Variants in SLC41A1 observed in about 807,000 individuals in gnomAD.
SLC41A1 encodes the protein solute carrier family 41 member 1.
SLC41A1 carries 20 observed loss-of-function variants against 47.3 expected under a neutral mutation model. The ratio of observed to expected loss-of-function variants is 0.42; its 90% CI spans 0.30 to 0.61. The LOEUF is 0.61. Ranked by LOEUF, SLC41A1 falls within the 20% of genes least tolerant of loss-of-function variation. SLC41A1 has a pLI of 0.17. For missense variants in SLC41A1, 504 were observed against 674.1 expected (o/e 0.75, Z 2.79); for synonymous variants, 282 against 272.7 (o/e 1.03, Z -0.34).
At chr1:205,802,449 G>A (rs1462068893) in intron 2 of SLC41A1, among the ~76,000 whole-genome samples, 1 of 152,198 alleles carries the variant, frequency 6.6e-6, no homozygotes, top group Non-Finnish European at 1.5e-5. Context: ...GAGCGCAGCG[G>A]CTCACACCTA....
At chr1:205,799,917 C>G in intron 3 of SLC41A1, 87 bp from the exon 4 acceptor site, 6 of 1,153,508 alleles carry the variant, frequency 5.2e-6, no homozygotes, top group Non-Finnish European at 7.8e-6. Flanking sequence ...GATCATGAGG[C>G]AGTACATGTG....
intron 10 of SLC41A1, among the ~76,000 whole-genome samples, chr1:205,792,175 G>A (rs1048855537): frequency 6.6e-6 from 1 of 152,148 alleles, no homozygotes; most frequent in Non-Finnish European, 1.5e-5. Flanking sequence ...GTCTTCTCTC[G>A]GCAGAGTGGT....
intron 7 of SLC41A1, 27 bp from the exon 8 acceptor site, chr1:205,797,030 G>T (rs773491572): frequency 4.0e-6 from 6 of 1,500,512 alleles, no homozygotes; most frequent in Admixed American, 4.1e-5. Flanking sequence ...ACAAAATGAC[G>T]CAAAGACCAC....
At position 205,813,123 on chromosome 1, in the gene SLC41A1, C is replaced by A. The variant is rs927453437; in HGVS notation, c.-962G>T. 4 of 985,472 alleles carry A rather than the reference C, an allele frequency of 4.1e-6. No homozygotes were observed. Among genetic ancestry groups the A allele is most frequent in the Middle Eastern group, 5.2e-4 (1 of 1,936 alleles). 61.0% of individuals were successfully genotyped at this position (985,472 alleles called of 1,614,324 possible). On this transcript the variant is annotated 5_prime_UTR_variant, in exon 1 of 11. Coordinates refer to ENST00000367137, the MANE Select transcript of SLC41A1 (RefSeq NM_173854.6). ...GGGACCGGGGAGCCGAGCTCACGCGCCCCCAATCGCTTCTTGCCCGCGGAC... is the reference window on the plus strand; with the variant it reads ...GGGACCGGGGAGCCGAGCTCACGCGACCCCAATCGCTTCTTGCCCGCGGAC...
At chr1:205,812,736 G>A in intron 1 of SLC41A1, 72 bp downstream of exon 1, 1 of 986,218 alleles carries the variant, frequency 1.0e-6, no homozygotes, top group African/African-American at 1.7e-5. Context: ...CTCAGATTCA[G>A]CAAATGCGCT....
In SLC41A1 at chr1:205,791,468, G is replaced by A. The variant is rs1655625128; in HGVS notation, c.*65C>T. On this transcript the variant is annotated 3_prime_UTR_variant, in exon 11 of 11. Transcript: ENST00000367137. The surrounding 1 kb of genome is among the most constrained non-coding windows in gnomAD (Gnocchi z 4.0). ...GGGAGTGTGGGGTGGAGGAGGGACA[G>A]GGGAACAAAAGAAAAATTTCAAATA... 6.3e-7 allele frequency: 1 copy of A among 1,596,384 alleles called. No individual in the cohort carries two copies. Among genetic ancestry groups the A allele is most frequent in the Admixed American group, 1.7e-5 (1 of 59,368 alleles).
At chr1:205,799,713 A>T (rs1558080896) in intron 4 of SLC41A1, 46 bp downstream of exon 4, 1 of 1,598,646 alleles carries the variant, frequency 6.3e-7, no homozygotes, top group South Asian at 1.1e-5. Flanking sequence ...GAGATTCCTG[A>T]CTAAGGGGAA....
chr1:205,797,811 G>A, intron 7 of SLC41A1, 93 bp downstream of exon 7: 1 of 1,508,818 alleles, frequency 6.6e-7, no homozygotes, highest in Non-Finnish European at 9.2e-7. Flanking sequence ...CATTTCTAGG[G>A]TCTGACCCCC....
chr1:205,799,688 G>A (rs1002491155), intron 4 of SLC41A1, 71 bp downstream of exon 4: 1 of 1,524,140 alleles, frequency 6.6e-7, no homozygotes, highest in Non-Finnish European at 9.0e-7. Flanking sequence ...TGCTGGGGCT[G>A]ACCTAAGCCT....
intron 2 of SLC41A1, among the ~76,000 whole-genome samples, chr1:205,808,279 T>A (rs1304150539): frequency 6.6e-6 from 1 of 152,190 alleles, no homozygotes; most frequent in East Asian, 1.9e-4. Context: ...TTTAACCAAC[T>A]GGTGAACCAT....
At chr1:205,796,462 CCT>C (rs5780303) in intron 8 of SLC41A1, 176,801 of 218,952 alleles carry the variant, frequency 0.81, 73,591 homozygotes, top group Non-Finnish European at 0.9. Flanking sequence ...GCGAGGTTTG[CCT>C]CTCTTGTTTT....
At position 205,810,828 on chromosome 1, in the gene SLC41A1, C is replaced by A. The variant is rs924651172; in HGVS notation, c.-387G>T. The A allele has an allele frequency of 6.2e-5, 16 of 258,464 alleles. No homozygotes were observed. The highest frequency in any genetic ancestry group is 5.0e-4 in the Admixed American group (10 of 20,196). 16.0% of individuals were successfully genotyped at this position (258,464 alleles called of 1,614,324 possible). ...AAGAGCTCAACCAAATTCTGGGGTG[C>A]CCTCTGAAGTGGCCCCTCTTCCGTA... On this transcript the variant is annotated 5_prime_UTR_variant, in exon 2 of 11. Transcript: ENST00000367137. The surrounding 1 kb of genome is among the most constrained non-coding windows in gnomAD (Gnocchi z 5.5).
chr1:205,809,150 C>G (rs1410820060), intron 2 of SLC41A1, among the ~76,000 whole-genome samples: 2 of 152,184 alleles, frequency 1.3e-5, no homozygotes, highest in Non-Finnish European at 2.9e-5. Flanking sequence ...TTAGGTAAAC[C>G]CAGCACCTTC....
Position 205,811,330 on chromosome 1 carries a change from A to T in SLC41A1, c.-646-243T>A, listed in dbSNP as rs558921256. Among the ~76,000 whole-genome samples, 9 of 152,314 alleles carry T rather than the reference A, an allele frequency of 5.9e-5. No individual in the cohort carries two copies. In the South Asian group the frequency reaches 1.9e-3, roughly 32 times the overall value. Reference sequence around the variant, plus strand: ...CTCCTGAGGGATCACCACCGTGGTCACCAGCAATGAGATGTGACCAGCCTG... The same window carrying T: ...CTCCTGAGGGATCACCACCGTGGTCTCCAGCAATGAGATGTGACCAGCCTG... On this transcript the variant is annotated intron_variant, in intron 1 of 10. Transcript: ENST00000367137.
At chr1:205,798,633 C>T (rs1655801012) in intron 6 of SLC41A1, 36 bp downstream of exon 6, 2 of 1,614,118 alleles carry the variant, frequency 1.2e-6, no homozygotes, top group South Asian at 1.1e-5. Flanking sequence ...CCAACCCCAC[C>T]CAGGACTCCA....
chr1:205,798,743 A>C lies in SLC41A1; in HGVS notation c.770T>G (p.Ile257Ser). ...GATGAGGTCGCCCAGGCTGGCAGCA[A>C]TGGGTGTGGCCACGTTGTCTGGGTT... ...GINPDNVATPIAASLGDLITL... is the reference protein window; with the variant it reads ...GINPDNVATPSAASLGDLITL... Residue 257 changes from isoleucine to serine, a missense_variant, in exon 6 of 11, where the codon ATT becomes AGT. By Grantham distance (142) the Ile-to-Ser change is moderately radical (BLOSUM62 -2). This residue lies in a region of SLC41A1 where 421 missense variants were observed against 601.6 expected (regional missense o/e 0.70). Transcript: ENST00000367137. 1 of 1,614,086 alleles carries C rather than the reference A, an allele frequency of 6.2e-7. No individual in the cohort carries two copies. Among genetic ancestry groups the C allele is most frequent in the Non-Finnish European group, 8.5e-7 (1 of 1,180,016 alleles).
At chr1:205,803,680 C>T (rs1217230020) in intron 2 of SLC41A1, among the ~76,000 whole-genome samples, 1 of 147,956 alleles carries the variant, frequency 6.8e-6, no homozygotes, top group Non-Finnish European at 1.5e-5. Context: ...CTCTGTGGCC[C>T]AGGCTGGAGT....
intron 8 of SLC41A1, chr1:205,796,100 C>A (rs147407547): frequency 7.4e-5 from 12 of 162,858 alleles, no homozygotes; most frequent in Admixed American, 1.7e-4. Context: ...GACTGCATTA[C>A]CCAGTCTCCC....
At chr1:205,797,768 CAGA>C (rs1655782136) in intron 7 of SLC41A1, 133 bp downstream of exon 7, 1 of 1,188,532 alleles carries the variant, frequency 8.4e-7, no homozygotes, top group African/African-American at 1.5e-5. Context: ...TCATTTTCAA[CAGA>C]AGGACATGTG....
Sources: allele counts gnomAD v4.1 joint callset (sites outside exome capture counted in the v4.1 genomes callset), GRCh38; gene constraint gnomAD v4.1.1; regional missense constraint gnomAD v4.1.1; non-coding constraint Gnocchi (gnomAD v3.1); transcripts MANE v1.5; gene names NCBI Gene and HGNC (gene_info 2026-07-23, HGNC 2026-07-21).